The following SLC47A1 variants were observed in gnomAD, a reference collection of about 807,000 sequenced individuals.
SLC47A1 encodes the protein solute carrier family 47 member 1, also known as multidrug and toxin extrusion protein 1.
Under a neutral mutation model 65.8 loss-of-function variants are expected in SLC47A1, and 58 were observed. The ratio of observed to expected loss-of-function variants is 0.88; its 90% confidence interval spans 0.71 to 1.10. SLC47A1 has a LOEUF of 1.10. Ranked by LOEUF, SLC47A1 falls within the 50% of genes least tolerant of loss-of-function variation. The pLI is 0.00. For synonymous variants in SLC47A1, 285 were observed against 295.0 expected (o/e 0.97, Z 0.35); for missense variants, 706 against 719.2 (o/e 0.98, Z 0.21).
At chr17:19,534,190 G>T in intron 1 of SLC47A1, 116 bp downstream of exon 1, 2 of 1,311,492 alleles carry the variant, frequency 1.5e-6, no homozygotes, top group Non-Finnish European at 2.0e-6. Context: ...TCCGCCGGCG[G>T]GCTCCGGGGA....
intron 2 of SLC47A1, among the ~76,000 whole-genome samples, chr17:19,542,935 G>A (rs1348286818): frequency 6.6e-6 from 1 of 151,230 alleles, no homozygotes; most frequent in Non-Finnish European, 1.5e-5. Flanking sequence ...GGGGTTACAG[G>A]CGTGCGCCAC....
rs1916588777 is a variant in SLC47A1 at position 19,555,810 on chromosome 17, T to TA, written c.754_755insA (p.Cys252Ter). 1 of 1,613,476 alleles carries TA rather than the reference T, an allele frequency of 6.2e-7. No individual in the cohort carries two copies. The highest frequency in any genetic ancestry group is 1.1e-5 in the South Asian group (1 of 91,082). ...CCCCCCCACAGGCTGGTCCCTCGAGTGCCTGCAGGACTGGGCCTCCTTCCT... is the reference window on the plus strand; with the variant it reads ...CCCCCCCACAGGCTGGTCCCTCGAGTAGCCTGCAGGACTGGGCCTCCTTCCT... Reference protein sequence around the residue: ...QATWGGWSLECLQDWASFLRL... With the variant: ...QATWGGWSLE Residue 252 changes from cysteine to a stop codon, truncating the protein, a stop_gained and frameshift_variant, in exon 9 of 17, where the codon TGC (cysteine) becomes TAGC (stop). Transcript: ENST00000270570. LOFTEE classifies it high-confidence loss of function.
At chr17:19,548,423 A>T (rs1265904404) in intron 4 of SLC47A1, among the ~76,000 whole-genome samples, 1 of 151,156 alleles carries the variant, frequency 6.6e-6, no homozygotes, top group Non-Finnish European at 1.5e-5. Flanking sequence ...GTTATTCTTG[A>T]CCTTCGTTGA....
At position 19,540,878 on chromosome 17, in the gene SLC47A1, C is replaced by CA. The variant is rs879334096; in HGVS notation, c.136-1515_136-1514insA. On this transcript the variant is annotated intron_variant, in intron 1 of 16. Coordinates refer to ENST00000270570, the MANE Select transcript of SLC47A1 (RefSeq NM_018242.3). ...CACACACACACACACACACACACAC[C>CA]CCTAGGGTTAGGAACAGGCTGTGCT... Among the ~76,000 whole-genome samples the CA allele has an allele frequency of 4.7e-5, 6 of 127,180 alleles. No homozygotes were observed. In the South Asian group the frequency reaches 7.2e-4, roughly 15 times the overall value. 83.4% of individuals were successfully genotyped at this position (127,180 alleles called of 152,430 possible).
rs1567578817 is a variant in SLC47A1 at position 19,572,784 on chromosome 17, A to G, written c.1409A>G (p.Gln470Arg). 6.2e-7 allele frequency: 1 copy of G among 1,614,066 alleles called. No homozygotes were observed. Among genetic ancestry groups the G allele is most frequent in the Non-Finnish European group, 8.5e-7 (1 of 1,179,938 alleles). ...GGACTGAGTTTCATTTTCCAGGCTC[A>G]GGTACACGCCAATTTGAAAGTAAAC... ...LNWKKACQQAQVHANLKVNNV... is the reference protein window; with the variant it reads ...LNWKKACQQARVHANLKVNNV... Residue 470 changes from glutamine (Q) to arginine (R), a missense_variant, in exon 16 of 17, where the codon CAG becomes CGG. Gln to Arg is a conservative substitution (Grantham distance 43). Coordinates refer to ENST00000270570, the MANE Select transcript of SLC47A1 (RefSeq NM_018242.3).
intron 1 of SLC47A1, among the ~76,000 whole-genome samples, chr17:19,540,876 A>ACACACACACACACACC: frequency 6.7e-6 from 1 of 149,874 alleles, no homozygotes; most frequent in African/African-American, 2.5e-5. Context: ...ACACACACAC[A>ACACACACACACACACC]CCCCTAGGGT....
At chr17:19,560,659 A>AGG in intron 12 of SLC47A1, 166 bp downstream of exon 12, 1 of 693,108 alleles carries the variant, frequency 1.4e-6, no homozygotes. Context: ...CTTTGGGATC[A>AGG]CCTGAGGTCA....
chr17:19,553,447 A>G (rs924949169), intron 6 of SLC47A1, among the ~76,000 whole-genome samples: 1 of 151,576 alleles, frequency 6.6e-6, no homozygotes, highest in Non-Finnish European at 1.5e-5. Context: ...CCTCGACTCC[A>G]TCTTTCCTTC....
chr17:19,575,356 AT>A (rs1015434159), intron 16 of SLC47A1, among the ~76,000 whole-genome samples: 3 of 146,326 alleles, frequency 2.1e-5, no homozygotes, highest in African/African-American at 7.6e-5. Context: ...ATATGCCTTC[AT>A]TTTTCTCTTC....
intron 9 of SLC47A1, 43 bp downstream of exon 9, chr17:19,555,952 G>A (rs1307067879): frequency 5.6e-6 from 9 of 1,614,084 alleles, no homozygotes; most frequent in South Asian, 3.3e-5. Context: ...GGAACCTGGG[G>A]GCCCTGTCTG....
At chr17:19,534,648 T>C (rs1889719585) in intron 1 of SLC47A1, 1 of 152,178 alleles carries the variant, frequency 6.6e-6, no homozygotes, top group South Asian at 2.1e-4. Flanking sequence ...AGTCAACCTC[T>C]ACCGAGGAAA....
intron 14 of SLC47A1, among the ~76,000 whole-genome samples, chr17:19,569,527 TTTTGA>T (rs1452206474): frequency 6.6e-6 from 1 of 152,058 alleles, no homozygotes; most frequent in Non-Finnish European, 1.5e-5. Flanking sequence ...TACGAATTGG[TTTTGA>T]GTATTGTGTC....
intron 12 of SLC47A1, among the ~76,000 whole-genome samples, chr17:19,564,089 A>G (rs927583501): frequency 1.3e-5 from 2 of 152,182 alleles, no homozygotes; most frequent in Non-Finnish European, 2.9e-5. Context: ...GCGGTGGCTC[A>G]TGCCTGTAAT....
chr17:19,577,206 G>C (rs2084447441), intron 16 of SLC47A1, 121 bp from the exon 17 acceptor site: 6 of 1,328,680 alleles, frequency 4.5e-6, no homozygotes, highest in Non-Finnish European at 5.1e-6. Context: ...ATTCACTGTA[G>C]CAATAGTGTC....
intron 15 of SLC47A1, 49 bp downstream of exon 15, chr17:19,571,621 A>G (rs1567578533): frequency 6.9e-7 from 1 of 1,438,932 alleles, no homozygotes; most frequent in Admixed American, 1.8e-5. Context: ...CTAGAAAAAC[A>G]GGATCTGATC....
rs1380192151 is a variant in SLC47A1 at position 19,578,383 on chromosome 17, C to T, written c.*830C>T. The stretch of plus-strand genomic sequence containing the variant: ...ACCACGCCTAGCTAATTTTTTATAC[C>T]AGGGTCTACCCTTTGTTTCCCAGGC... On this transcript the variant is annotated 3_prime_UTR_variant, in exon 17 of 17. Transcript: ENST00000270570. 3 of 189,484 alleles carry T rather than the reference C, an allele frequency of 1.6e-5. No individual in the cohort carries two copies. The highest frequency in any genetic ancestry group is 3.3e-5 in the Non-Finnish European group (3 of 90,254). The allele number at this position is 189,484 out of a possible 1,614,324, so 11.7% of individuals were successfully genotyped here.
intron 2 of SLC47A1, among the ~76,000 whole-genome samples, chr17:19,544,568 C>T (rs1034843266): frequency 6.6e-6 from 1 of 152,138 alleles, no homozygotes; most frequent in African/African-American, 2.4e-5. Flanking sequence ...CTAGGCTCCT[C>T]GAAACTTCAG....
chr17:19,567,898 A>G (rs1354831328), intron 14 of SLC47A1: 2 of 152,224 alleles, frequency 1.3e-5, no homozygotes, highest in Non-Finnish European at 2.9e-5. Flanking sequence ...CGGTGTGAAC[A>G]GCACAGAAGG....
intron 1 of SLC47A1, among the ~76,000 whole-genome samples, chr17:19,541,715 A>G (rs1916154227): frequency 6.6e-6 from 1 of 152,178 alleles, no homozygotes; most frequent in Non-Finnish European, 1.5e-5. Flanking sequence ...TGAAGGCTGT[A>G]TTCTCTCCAG....
Sources: allele counts gnomAD v4.1 joint callset (sites outside exome capture counted in the v4.1 genomes callset), GRCh38; gene constraint gnomAD v4.1.1; transcripts MANE v1.5; gene names NCBI Gene and HGNC (gene_info 2026-07-23, HGNC 2026-07-21).